RIT2: variants seen among roughly 807,000 people sequenced by gnomAD.
RIT2 encodes Ras like without CAAX 2.
Under a neutral mutation model 23.7 loss-of-function variants are expected in RIT2, and 24 were observed. That is an observed-to-expected ratio of 1.01 (90% CI 0.73 to 1.43). The LOEUF (loss-of-function observed/expected upper bound fraction) is 1.43. Among genes scored for constraint, RIT2 ranks in the 40% most tolerant of loss-of-function variants. RIT2 has a pLI of 0.00. For missense variants in RIT2, 236 were observed against 266.9 expected (o/e 0.88, Z 0.81); for synonymous variants, 107 against 91.1 (o/e 1.17, Z -0.99).
chr18:42,768,610 CT>C (rs1169890804), intron 4 of RIT2, among the ~76,000 whole-genome samples: 1 of 151,890 alleles, frequency 6.6e-6, no homozygotes, highest in East Asian at 1.9e-4. Flanking sequence ...TTTATTGTTC[CT>C]TTAATATTAT....
At chr18:42,851,578 C>A (rs368358401) in intron 4 of RIT2, among the ~76,000 whole-genome samples, 3 of 152,006 alleles carry the variant, frequency 2.0e-5, no homozygotes, top group South Asian at 2.1e-4. Context: ...AAGGGCTGGG[C>A]GCATGGCTCA....
intron 4 of RIT2, among the ~76,000 whole-genome samples, chr18:42,776,046 A>C (rs1567993426): frequency 6.6e-6 from 1 of 152,164 alleles, no homozygotes; most frequent in Non-Finnish European, 1.5e-5. Flanking sequence ...TTTATGATAA[A>C]AGTTGGCAGC....
chr18:43,073,999 G>T (rs1912955753), intron 1 of RIT2, among the ~76,000 whole-genome samples: 1 of 152,112 alleles, frequency 6.6e-6, no homozygotes, highest in South Asian at 2.1e-4. Flanking sequence ...CCCACCTGTT[G>T]TGCGGGGATC....
chr18:42,815,181 T>A (rs1905960336), intron 4 of RIT2, among the ~76,000 whole-genome samples: 1 of 152,098 alleles, frequency 6.6e-6, no homozygotes, highest in Non-Finnish European at 1.5e-5. Flanking sequence ...AATCCCCGAT[T>A]TACCTGAGAG....
chr18:42,843,464 C>A (rs539023220), intron 4 of RIT2, among the ~76,000 whole-genome samples: 2 of 152,276 alleles, frequency 1.3e-5, no homozygotes, highest in African/African-American at 2.4e-5. Flanking sequence ...CTCTTTGATG[C>A]TTTGGCCAAG....
chr18:43,092,918 G>A (rs60743642), intron 1 of RIT2, among the ~76,000 whole-genome samples: 11,540 of 152,028 alleles, frequency 0.076, 599 homozygotes, highest in African/African-American at 0.14. Flanking sequence ...AAAGTTACAC[G>A]TTAAATAATG....
At chr18:43,046,668 A>T (rs184420073) in intron 1 of RIT2, among the ~76,000 whole-genome samples, 1 of 152,280 alleles carries the variant, frequency 6.6e-6, no homozygotes, top group African/African-American at 2.4e-5. Context: ...AATATGGTAA[A>T]ATAACCCTTA....
intron 2 of RIT2, among the ~76,000 whole-genome samples, chr18:43,010,937 A>G (rs972454109): frequency 1.3e-5 from 2 of 151,836 alleles, no homozygotes; most frequent in Admixed American, 6.6e-5. Flanking sequence ...TCTGGGTGCT[A>G]AAGACATGGG....
At chr18:43,048,219 G>T (rs1425079037) in intron 1 of RIT2, among the ~76,000 whole-genome samples, 1 of 152,050 alleles carries the variant, frequency 6.6e-6, no homozygotes. Flanking sequence ...CTGATGTCAG[G>T]CTCCTGTTTC....
At chr18:42,931,925 C>T (rs745995061) in intron 3 of RIT2, among the ~76,000 whole-genome samples, 22 of 152,102 alleles carry the variant, frequency 1.4e-4, no homozygotes, top group Non-Finnish European at 2.8e-4. Context: ...TGATATGGGA[C>T]TCATGCACAC....
intron 3 of RIT2, among the ~76,000 whole-genome samples, chr18:42,967,133 AG>A (rs1286066793): frequency 3.3e-5 from 5 of 152,124 alleles, no homozygotes; most frequent in Admixed American, 2.6e-4. Flanking sequence ...AATATCATAA[AG>A]GATATAAAGA....
At chr18:43,041,167 T>C (rs1372792910) in intron 1 of RIT2, among the ~76,000 whole-genome samples, 1 of 152,212 alleles carries the variant, frequency 6.6e-6, no homozygotes, top group Non-Finnish European at 1.5e-5. Flanking sequence ...TTTTCTACTT[T>C]ATGCACATAA....
At chr18:42,814,667 G>A (rs922276036) in intron 4 of RIT2, among the ~76,000 whole-genome samples, 3 of 152,126 alleles carry the variant, frequency 2.0e-5, no homozygotes, top group African/African-American at 4.8e-5. Flanking sequence ...AAATACTCCT[G>A]GGAGTTCCAG....
At chr18:43,044,487 AC>A (rs1415791331) in intron 1 of RIT2, among the ~76,000 whole-genome samples, 2 of 152,214 alleles carry the variant, frequency 1.3e-5, no homozygotes, top group African/African-American at 4.8e-5. Context: ...GCAGGCTAAT[AC>A]CAAACCTATA....
chr18:42,817,560 T>C (rs2143986920), intron 4 of RIT2, among the ~76,000 whole-genome samples: 1 of 152,234 alleles, frequency 6.6e-6, no homozygotes, highest in East Asian at 1.9e-4. Flanking sequence ...TGCATTATAA[T>C]GGAAGTAAAA....
chr18:42,832,446 A>G (rs957955038), intron 4 of RIT2, among the ~76,000 whole-genome samples: 3 of 152,182 alleles, frequency 2.0e-5, no homozygotes, highest in Admixed American at 6.5e-5. Flanking sequence ...ATTTCACACA[A>G]AACCTGATTT....
At chr18:42,857,068 C>A (rs951019728) in intron 4 of RIT2, among the ~76,000 whole-genome samples, 1 of 152,036 alleles carries the variant, frequency 6.6e-6, no homozygotes, top group African/African-American at 2.4e-5. Flanking sequence ...GACCCGCCCA[C>A]CTCGGCCTTC....
intron 1 of RIT2, among the ~76,000 whole-genome samples, chr18:43,106,056 C>T (rs1025108701): frequency 6.6e-6 from 1 of 152,194 alleles, no homozygotes; most frequent in African/African-American, 2.4e-5. Flanking sequence ...CATCTTCAAG[C>T]TTTATTGTTC....
At chr18:43,017,331 A>G (rs1911497841) in intron 2 of RIT2, among the ~76,000 whole-genome samples, 1 of 151,858 alleles carries the variant, frequency 6.6e-6, no homozygotes, top group African/African-American at 2.4e-5. Context: ...CACTCTAATT[A>G]TTTACATAAT....
Sources: allele counts gnomAD v4.1 joint callset (sites outside exome capture counted in the v4.1 genomes callset), GRCh38; gene constraint gnomAD v4.1.1; transcripts MANE v1.5; gene names NCBI Gene and HGNC (gene_info 2026-07-23, HGNC 2026-07-21).